The following PPP6R1 variants were observed in gnomAD, a reference collection of about 807,000 sequenced individuals.
PPP6R1 encodes protein phosphatase 6 regulatory subunit 1, also known as serine/threonine-protein phosphatase 6 regulatory subunit 1.
Under a neutral mutation model 104.6 loss-of-function variants are expected in PPP6R1, and 39 were observed. That is an observed-to-expected ratio of 0.37 (90% CI 0.29 to 0.49). PPP6R1 has a LOEUF of 0.49. Among genes scored for constraint, PPP6R1 ranks in the 20% least tolerant of loss-of-function variants. The pLI is 0.98. For missense variants in PPP6R1, 1,181 were observed against 1,155.8 expected (o/e 1.02, Z -0.32); for synonymous variants, 549 against 479.0 (o/e 1.15, Z -1.91).
intron 1 of PPP6R1, among the ~76,000 whole-genome samples, chr19:55,252,073 T>G (rs758566306): frequency 6.6e-6 from 1 of 151,932 alleles, no homozygotes; most frequent in Non-Finnish European, 1.5e-5. Flanking sequence ...GGCAAATCCA[T>G]AGAGACAGAA....
At chr19:55,250,095 T>C (rs1421693006) in intron 1 of PPP6R1, among the ~76,000 whole-genome samples, 2 of 152,110 alleles carry the variant, frequency 1.3e-5, no homozygotes, top group African/African-American at 4.8e-5. Context: ...TGGATGGATA[T>C]CCAGGAGGCC....
At chr19:55,235,177 T>C (rs1454544982) in intron 17 of PPP6R1, among the ~76,000 whole-genome samples, 1 of 151,382 alleles carries the variant, frequency 6.6e-6, no homozygotes, top group African/African-American at 2.4e-5. Flanking sequence ...ACCCATTTCA[T>C]CACAGCGACT....
chr19:55,245,702 G>T lies in PPP6R1; in HGVS notation c.228-24C>A, dbSNP rs749057676. On this transcript the variant is annotated intron_variant, in intron 2 of 23. Coordinates refer to ENST00000412770, the MANE Select transcript of PPP6R1 (RefSeq NM_014931.4). This position sits in a 1 kb window ranked among gnomAD's most constrained non-coding sequence, Gnocchi z 6.4. ...ACCTGGGAGGCAAGCACAGGCGGGT[G>T]GGGGCTCGGGTCGGAGGCCGGGGGC... is the stretch of plus-strand genomic sequence containing the variant. 5 of 1,591,872 alleles carry T rather than the reference G, an allele frequency of 3.1e-6. No homozygotes were observed. The highest frequency in any genetic ancestry group is 2.7e-5 in the African/African-American group (2 of 74,712).
chr19:55,246,509 A>C (rs2087509832), intron 2 of PPP6R1, among the ~76,000 whole-genome samples: 1 of 152,236 alleles, frequency 6.6e-6, no homozygotes, highest in Admixed American at 6.5e-5. Flanking sequence ...CAAACATACA[A>C]AAAAAGTTTA....
At chr19:55,235,007 T>C (rs1176934858) in intron 17 of PPP6R1, among the ~76,000 whole-genome samples, 1 of 152,154 alleles carries the variant, frequency 6.6e-6, no homozygotes, top group Non-Finnish European at 1.5e-5. Context: ...AGGATATCCA[T>C]TGGCCACACA....
At chr19:55,244,409 G>A (rs1415389661) in intron 5 of PPP6R1, among the ~76,000 whole-genome samples, 1 of 152,250 alleles carries the variant, frequency 6.6e-6, no homozygotes, top group Non-Finnish European at 1.5e-5. Context: ...TAAAGGGGAG[G>A]ATGTGAGGGC....
rs898122307 is a variant in PPP6R1, at chr19:55,241,695, CAGG to C, written c.846-59_846-57del. 7.4e-6 allele frequency: 11 copies of C among 1,483,250 alleles called. No individual in the cohort carries two copies. In the African/African-American group the frequency reaches 1.4e-4, roughly 19 times the overall value. 91.9% of individuals were successfully genotyped at this position (1,483,250 alleles called of 1,614,324 possible). ...AGCCTAGATGGCCTGTGCGCCCACA[CAGG>C]AGTAGGCACAAGGACCACGTCTGCA... On this transcript the variant is annotated intron_variant, in intron 7 of 23. Coordinates refer to ENST00000412770, the MANE Select transcript of PPP6R1 (RefSeq NM_014931.4). The surrounding 1 kb of genome is among the most constrained non-coding windows in gnomAD (Gnocchi z 5.4).
intron 17 of PPP6R1, among the ~76,000 whole-genome samples, chr19:55,235,474 G>A (rs953579482): frequency 6.6e-6 from 1 of 151,986 alleles, no homozygotes; most frequent in East Asian, 1.9e-4. Context: ...CAGCCACAGA[G>A]ATTATCCCTT....
chr19:55,256,229 G>C (rs2087592199), intron 1 of PPP6R1, among the ~76,000 whole-genome samples: 1 of 152,238 alleles, frequency 6.6e-6, no homozygotes, highest in Non-Finnish European at 1.5e-5. Context: ...AGTCACAACA[G>C]AGCAAATAAG....
chr19:55,230,312 T>C lies in PPP6R1; in HGVS notation c.*216A>G. 1.6e-6 allele frequency: 1 copy of C among 611,340 alleles called. No individual in the cohort carries two copies. The highest frequency in any genetic ancestry group is 2.8e-5 in the East Asian group (1 of 36,314). 37.9% of individuals were successfully genotyped at this position (611,340 alleles called of 1,614,324 possible). ...TCTATTTGACTCTCTGTATCTTTAT[T>C]CTAGGAGGCAACGCTCCAAAACTTC... On this transcript the variant is annotated 3_prime_UTR_variant, in exon 24 of 24. Coordinates refer to ENST00000412770, the MANE Select transcript of PPP6R1 (RefSeq NM_014931.4).
At chr19:55,242,896 G>A (rs1324494072) in intron 5 of PPP6R1, among the ~76,000 whole-genome samples, 1 of 152,164 alleles carries the variant, frequency 6.6e-6, no homozygotes, top group Admixed American at 6.5e-5. Context: ...TCATGCTAGA[G>A]AAAGAAACCA....
At position 55,245,400 on chromosome 19, in the gene PPP6R1, G is replaced by C. The variant is rs377404269; in HGVS notation, c.417C>G (p.Leu139=). ...CATCCTTCTTCCGAAGAAAGGACAC[G>C]AGCTGGGGGCACACGGGCTGCGTCA... ...GILINRKTDQ[L]VSFLRKKDDF... The change falls in exon 4 of 24, where the codon CTC becomes CTG. Residue 139 remains leucine, a splice_region_variant and synonymous_variant. Transcript: ENST00000412770. This position sits in a 1 kb window ranked among gnomAD's most constrained non-coding sequence, Gnocchi z 6.4. The C allele has an allele frequency of 2.5e-6, 4 of 1,613,538 alleles. No homozygotes were observed. The highest frequency in any genetic ancestry group is 3.4e-6 in the Non-Finnish European group (4 of 1,179,774).
chr19:55,255,591 G>A (rs2087586623), intron 1 of PPP6R1: 1 of 152,380 alleles, frequency 6.6e-6, no homozygotes, highest in Non-Finnish European at 1.5e-5. Context: ...GGAAAGGCAG[G>A]TGAGCCCCAT....
intron 17 of PPP6R1, among the ~76,000 whole-genome samples, chr19:55,235,811 C>T (rs112412026): frequency 5.3e-5 from 8 of 151,708 alleles, no homozygotes; most frequent in African/African-American, 1.7e-4. Context: ...AGCCACCGTG[C>T]CCGGCTGATT....
chr19:55,232,288 G>A, intron 17 of PPP6R1, 77 bp from the exon 18 acceptor site: 4 of 1,469,936 alleles, frequency 2.7e-6, no homozygotes, highest in South Asian at 2.7e-5. Flanking sequence ...TGCAGCCCAG[G>A]GTCAGCCCAA....
chr19:55,242,683 G>A (rs998667091), intron 5 of PPP6R1, 195 bp from the exon 6 acceptor site: 7 of 585,078 alleles, frequency 1.2e-5, no homozygotes, highest in African/African-American at 1.1e-4. Context: ...CAGGAAGCCC[G>A]GAAGGCTCCC....
intron 15 of PPP6R1, chr19:55,238,585 C>G (rs1419916893): frequency 6.6e-6 from 1 of 152,448 alleles, no homozygotes; most frequent in Non-Finnish European, 1.5e-5. Flanking sequence ...ACCTCCGCCT[C>G]CCAGGTTCAA....
chr19:55,230,265 A>G lies in PPP6R1; in HGVS notation c.*263T>C, dbSNP rs2087327716. The stretch of plus-strand genomic sequence containing the variant: ...CCTCTCTCTATATAATATATAATAT[A>G]TGTTTCTCTCTCTCCATTCTCTCTA... On this transcript the variant is annotated 3_prime_UTR_variant, in exon 24 of 24. Transcript: ENST00000412770. 1.8e-6 allele frequency: 1 copy of G among 562,818 alleles called. No homozygotes were observed. Among genetic ancestry groups the G allele is most frequent in the Non-Finnish European group, 3.2e-6 (1 of 314,554 alleles). The allele number at this position is 562,818 out of a possible 1,614,324, so 34.9% of individuals were successfully genotyped here.
Position 55,241,820 on chromosome 19 carries a change from G to A in PPP6R1, c.846-181C>T, listed in dbSNP as rs986984978. ...GGCTGGGGTGGGGAGCCCGCCAGGC[G>A]GCAGCATTGGCAGTCCACTGTGAGA... On this transcript the variant is annotated intron_variant, in intron 7 of 23. Transcript: ENST00000412770. This position sits in a 1 kb window ranked among gnomAD's most constrained non-coding sequence, Gnocchi z 5.4. Among the ~76,000 whole-genome samples the A allele has an allele frequency of 5.3e-5, 8 of 152,204 alleles. No individual in the cohort carries two copies. The highest frequency in any genetic ancestry group is 1.7e-4 in the African/African-American group (7 of 41,458).
Sources: allele counts gnomAD v4.1 joint callset (sites outside exome capture counted in the v4.1 genomes callset), GRCh38; gene constraint gnomAD v4.1.1; non-coding constraint Gnocchi (gnomAD v3.1); transcripts MANE v1.5; gene names NCBI Gene and HGNC (gene_info 2026-07-23, HGNC 2026-07-21).